The following SLC4A4 variants were observed in gnomAD, a reference collection of about 807,000 sequenced individuals.
SLC4A4 encodes the protein solute carrier family 4 member 4.
SLC4A4 carries 27 observed loss-of-function variants against 111.5 expected under a neutral mutation model. That is an observed-to-expected ratio of 0.24 (90% confidence interval 0.18 to 0.33). The LOEUF is 0.33. Ranked by LOEUF, SLC4A4 falls within the 10% of genes least tolerant of loss-of-function variation. SLC4A4 has a pLI of 1.00. For missense variants in SLC4A4, 909 were observed against 1,315.5 expected, an observed-to-expected ratio of 0.69 and a Z score of 4.78; for synonymous variants, 443 against 463.4, an observed-to-expected ratio of 0.96 and a Z score of 0.57.
chr4:71,328,919 A>C (rs1727720568), intron 3 of SLC4A4, among the ~76,000 whole-genome samples: 1 of 151,888 alleles, frequency 6.6e-6, no homozygotes, highest in African/African-American at 2.4e-5. Flanking sequence ...GAGTTTCCCC[A>C]ATGTTTTCTT....
At chr4:71,567,623 A>G (rs950498762) in intron 25 of SLC4A4, among the ~76,000 whole-genome samples, 165 bp from the exon 26 acceptor site, 1 of 151,756 alleles carries the variant, frequency 6.6e-6, no homozygotes, top group African/African-American at 2.4e-5. Context: ...TCTGCTGGTA[A>G]CCTTCATCCC....
chr4:71,430,447 C>CA lies in SLC4A4; in HGVS notation c.808-10160dup, dbSNP rs201847449. ...GCATTCCTAGGTATACTAAAGTTTC[C>CA]AAAAAAAAATCTGTAGTACAGACAG... is the stretch of plus-strand genomic sequence containing the variant. On this transcript the variant is annotated intron_variant, in intron 7 of 25. Transcript: ENST00000264485. Among the ~76,000 whole-genome samples, 601 of 150,646 alleles carry CA rather than the reference C, an allele frequency of 4.0e-3. 5 individuals carry two copies. Among genetic ancestry groups the CA allele is most frequent in the African/African-American group, 0.013 (554 of 41,154 alleles).
At chr4:71,137,668 G>C (rs1195002267) in intron 2 of SLC4A4, among the ~76,000 whole-genome samples, 1 of 152,210 alleles carries the variant, frequency 6.6e-6, no homozygotes, top group East Asian at 1.9e-4. Context: ...ATTCTCAAGT[G>C]GTTGCTGCCT....
chr4:71,419,656 G>T (rs952846794), intron 7 of SLC4A4, among the ~76,000 whole-genome samples: 1 of 152,220 alleles, frequency 6.6e-6, no homozygotes, highest in Non-Finnish European at 1.5e-5. Context: ...CCCGAGTGAG[G>T]CAATGCCTTG....
At chr4:71,188,061 C>T (rs1271908253) in intron 1 of SLC4A4, among the ~76,000 whole-genome samples, 2 of 152,206 alleles carry the variant, frequency 1.3e-5, no homozygotes, top group Non-Finnish European at 2.9e-5. Context: ...CCCTCAGGTA[C>T]TGGGCAGCAT....
chr4:71,127,638 T>C (rs1743594202), intron 2 of SLC4A4, among the ~76,000 whole-genome samples: 1 of 152,212 alleles, frequency 6.6e-6, no homozygotes, highest in Non-Finnish European at 1.5e-5. Flanking sequence ...CTTTGTACCA[T>C]AAATAAAGAT....
chr4:71,142,946 TTTA>T (rs199649590), intron 2 of SLC4A4, among the ~76,000 whole-genome samples: 12 of 151,232 alleles, frequency 7.9e-5, no homozygotes, highest in Admixed American at 1.3e-4. Context: ...TTCTTTCCTT[TTTA>T]TTATTATTAT....
chr4:71,393,053 C>A (rs1719459950), intron 6 of SLC4A4, among the ~76,000 whole-genome samples: 1 of 152,072 alleles, frequency 6.6e-6, no homozygotes, highest in Admixed American at 6.6e-5. Context: ...AAACCCACAG[C>A]CAACATAATA....
chr4:71,537,285 A>G (rs1355660501), intron 18 of SLC4A4, among the ~76,000 whole-genome samples: 1 of 56,878 alleles, frequency 1.8e-5, no homozygotes, highest in African/African-American at 5.3e-5. Context: ...TAATACAAAT[A>G]TGTCTACATA....
intron 2 of SLC4A4, among the ~76,000 whole-genome samples, chr4:71,237,192 CT>C (rs1719872316): frequency 6.6e-6 from 1 of 152,102 alleles, no homozygotes; most frequent in Non-Finnish European, 1.5e-5. Flanking sequence ...GTCTCTTTTG[CT>C]GATGTTTCCT....
intron 7 of SLC4A4, among the ~76,000 whole-genome samples, chr4:71,422,706 C>T (rs984599488): frequency 6.6e-6 from 1 of 151,000 alleles, no homozygotes; most frequent in Non-Finnish European, 1.5e-5. Flanking sequence ...TAAATGTAAT[C>T]CAGCATATAA....
intron 2 of SLC4A4, among the ~76,000 whole-genome samples, chr4:71,102,317 G>A (rs1192044014): frequency 1.3e-5 from 2 of 149,986 alleles, no homozygotes; most frequent in Non-Finnish European, 3.0e-5. Flanking sequence ...AAAGTGATGG[G>A]GAGAATGGAA....
chr4:71,537,907 G>T (rs932977277), intron 18 of SLC4A4, among the ~76,000 whole-genome samples: 1 of 151,956 alleles, frequency 6.6e-6, no homozygotes, highest in Admixed American at 6.6e-5. Context: ...AGGCTCCAGG[G>T]CTTACTAACT....
intron 3 of SLC4A4, among the ~76,000 whole-genome samples, chr4:71,305,480 G>T (rs889743286): frequency 6.6e-6 from 1 of 152,176 alleles, no homozygotes; most frequent in African/African-American, 2.4e-5. Context: ...GCATAAAGAT[G>T]AAATGTGAGC....
At chr4:71,448,423 T>C (rs1416917570) in intron 9 of SLC4A4, among the ~76,000 whole-genome samples, 2 of 152,110 alleles carry the variant, frequency 1.3e-5, no homozygotes, top group Non-Finnish European at 2.9e-5. Flanking sequence ...CTATATTCTA[T>C]ATTATTTCAG....
intron 7 of SLC4A4, among the ~76,000 whole-genome samples, chr4:71,400,699 C>A (rs1202905287): frequency 6.6e-6 from 1 of 152,116 alleles, no homozygotes; most frequent in Non-Finnish European, 1.5e-5. Context: ...ATCAAACTAA[C>A]ATTTTCAGTT....
intron 2 of SLC4A4, among the ~76,000 whole-genome samples, chr4:71,131,847 C>T (rs566559894): frequency 1.3e-5 from 2 of 152,276 alleles, no homozygotes; most frequent in African/African-American, 2.4e-5. Context: ...AAGCTCTACC[C>T]TGTGCCACCC....
intron 6 of SLC4A4, among the ~76,000 whole-genome samples, chr4:71,368,617 C>G (rs902687774): frequency 6.6e-6 from 1 of 152,158 alleles, no homozygotes; most frequent in African/African-American, 2.4e-5. Flanking sequence ...CACCCTGCCC[C>G]CTGTGCTTTA....
intron 8 of SLC4A4, 21 bp from the exon 9 acceptor site, chr4:71,447,625 G>T (rs962503469): frequency 2.0e-6 from 3 of 1,474,278 alleles, no homozygotes; most frequent in Admixed American, 1.7e-5. Context: ...TATAGCCTTT[G>T]CTTCTTTCCT....
Sources: gnomAD v4.1 joint callset for allele counts (sites outside exome capture counted in the v4.1 genomes callset) on GRCh38, gnomAD v4.1.1 for gene constraint, MANE v1.5 for transcripts, NCBI Gene and HGNC (gene_info 2026-07-23, HGNC 2026-07-21) for gene names.